The following SLC23A2 variants were observed in gnomAD, a reference collection of about 807,000 sequenced individuals.
SLC23A2 encodes Na(+)/L-ascorbic acid transporter 2.
Under a neutral mutation model 73.3 loss-of-function variants are expected in SLC23A2, and 36 were observed. The observed-to-expected ratio is 0.49, with a 90% CI of 0.38 to 0.65. The LOEUF (loss-of-function observed/expected upper bound fraction) is 0.65. SLC23A2 is among the 30% of genes least tolerant of loss of function. SLC23A2 has a pLI of 0.00. For missense variants in SLC23A2, 507 were observed against 841.6 expected, an observed-to-expected ratio of 0.60 and a Z score of 4.92; for synonymous variants, 343 against 327.3, an observed-to-expected ratio of 1.05 and a Z score of -0.52.
At chr20:5,006,600 C>G (rs1038225902) in intron 1 of SLC23A2, among the ~76,000 whole-genome samples, 1 of 148,900 alleles carries the variant, frequency 6.7e-6, no homozygotes, top group Non-Finnish European at 1.5e-5. Context: ...GAGTCTTGCT[C>G]TGTTGGCCAG....
chr20:4,938,014 C>T (rs1370806699), intron 2 of SLC23A2, among the ~76,000 whole-genome samples: 1 of 151,312 alleles, frequency 6.6e-6, no homozygotes, highest in Non-Finnish European at 1.5e-5. Flanking sequence ...CCACTTAACT[C>T]GTGTTCTCAT....
chr20:4,964,264 G>T (rs2087438792), intron 2 of SLC23A2, among the ~76,000 whole-genome samples: 1 of 151,942 alleles, frequency 6.6e-6, no homozygotes, highest in Admixed American at 6.6e-5. Context: ...CAAAGTGCTG[G>T]GATTATAGGC....
At chr20:4,925,166 G>C (rs978802977) in intron 3 of SLC23A2, among the ~76,000 whole-genome samples, 14 of 147,856 alleles carry the variant, frequency 9.5e-5, no homozygotes, top group Non-Finnish European at 1.9e-4. Flanking sequence ...CTGAATGATA[G>C]AGCAAGACTC....
chr20:4,986,689 C>CACACACACACACAGAGAG (rs71197739), intron 1 of SLC23A2, among the ~76,000 whole-genome samples: 1 of 129,888 alleles, frequency 7.7e-6, no homozygotes, highest in African/African-American at 2.8e-5. Context: ...CACACACACA[C>CACACACACACACAGAGAG]AGAGATGAAT....
chr20:4,993,423 GA>G (rs1194589516), intron 1 of SLC23A2, among the ~76,000 whole-genome samples: 1 of 94,898 alleles, frequency 1.1e-5, no homozygotes, highest in African/African-American at 3.6e-5. Context: ...AAAAAAAAAA[GA>G]AAAAAAGAAA....
At chr20:4,924,100 G>A (rs2122923029) in intron 3 of SLC23A2, among the ~76,000 whole-genome samples, 1 of 152,176 alleles carries the variant, frequency 6.6e-6, no homozygotes, top group South Asian at 2.1e-4. Context: ...ACAGCTCTGA[G>A]CCGCATCGCC....
At chr20:4,900,448 A>G (rs1474642916) in intron 5 of SLC23A2, among the ~76,000 whole-genome samples, 2 of 152,194 alleles carry the variant, frequency 1.3e-5, no homozygotes, top group Non-Finnish European at 2.9e-5. Flanking sequence ...CTAGTTAGTC[A>G]TACTGTATTT....
chr20:4,977,931 T>C (rs1346205217), intron 1 of SLC23A2, among the ~76,000 whole-genome samples: 7 of 152,010 alleles, frequency 4.6e-5, no homozygotes, highest in Admixed American at 3.3e-4. Flanking sequence ...GTTGTACTTA[T>C]CATGAAAAAA....
rs571639458 is a variant in SLC23A2, at chr20:4,934,910, G to A, written c.-154-2194C>T. On this transcript the variant is annotated intron_variant, in intron 2 of 16. Coordinates refer to ENST00000338244, the MANE Select transcript of SLC23A2 (RefSeq NM_005116.6). ...TTCTTGTCAGAAAAAAACCAAGGCT[G>A]GGCACAGTGGCTCATGCCTGTAATC... 4.6e-5 allele frequency among the ~76,000 whole-genome samples: 7 copies of A among 151,122 alleles called. No homozygotes were observed. The South Asian group carries it at 1.3e-3, about 27-fold the overall frequency.
chr20:4,986,960 G>A (rs1233395339), intron 1 of SLC23A2, among the ~76,000 whole-genome samples: 1 of 151,840 alleles, frequency 6.6e-6, no homozygotes, highest in Non-Finnish European at 1.5e-5. Context: ...AGGGTTCAGA[G>A]GAGCTTCCTA....
intron 2 of SLC23A2, among the ~76,000 whole-genome samples, chr20:4,960,379 C>T (rs2087362145): frequency 6.6e-6 from 1 of 152,210 alleles, no homozygotes; most frequent in African/African-American, 2.4e-5. Flanking sequence ...TGTGTATGCA[C>T]TATGATCCAG....
At chr20:4,971,912 T>A (rs2087566984) in intron 1 of SLC23A2, among the ~76,000 whole-genome samples, 1 of 152,220 alleles carries the variant, frequency 6.6e-6, no homozygotes, top group Non-Finnish European at 1.5e-5. Flanking sequence ...CACTTTCTGT[T>A]AAAGCCTCTT....
At chr20:4,946,835 T>C (rs768357404) in intron 2 of SLC23A2, among the ~76,000 whole-genome samples, 3 of 152,212 alleles carry the variant, frequency 2.0e-5, no homozygotes, top group Non-Finnish European at 4.4e-5. Context: ...GAGTGGTGTA[T>C]GCTTTGTTTG....
chr20:4,930,770 G>T (rs191216154), intron 3 of SLC23A2, among the ~76,000 whole-genome samples: 68 of 152,170 alleles, frequency 4.5e-4, no homozygotes, highest in African/African-American at 1.6e-3. Flanking sequence ...AGTGAGCCAA[G>T]ATGGTGCCAC....
chr20:4,968,191 A>G (rs1600184399), intron 2 of SLC23A2, among the ~76,000 whole-genome samples: 1 of 152,214 alleles, frequency 6.6e-6, no homozygotes, highest in East Asian at 1.9e-4. Context: ...CTGGAACTCC[A>G]GGCTGGAAGT....
intron 1 of SLC23A2, among the ~76,000 whole-genome samples, chr20:4,985,093 C>T (rs1229171975): frequency 1.4e-5 from 2 of 146,718 alleles, no homozygotes; most frequent in East Asian, 2.0e-4. Flanking sequence ...GCTGAGATGG[C>T]GCCACTGCAC....
chr20:4,939,437 A>G (rs560639593), intron 2 of SLC23A2, among the ~76,000 whole-genome samples: 1 of 152,362 alleles, frequency 6.6e-6, no homozygotes, highest in Non-Finnish European at 1.5e-5. Context: ...AGAAAAGTCC[A>G]AATTATAACT....
intron 1 of SLC23A2, among the ~76,000 whole-genome samples, chr20:5,007,913 C>CTT (rs748144764): frequency 1.4e-5 from 2 of 145,512 alleles, no homozygotes; most frequent in African/African-American, 2.5e-5. Context: ...ATAAAATTAA[C>CTT]TTTTTTTTTT....
At chr20:4,917,825 C>T (rs143066177) in intron 3 of SLC23A2, among the ~76,000 whole-genome samples, 228 of 152,288 alleles carry the variant, frequency 1.5e-3, no homozygotes, top group African/African-American at 5.2e-3. Flanking sequence ...TCTTGTCTGA[C>T]TGGCTCGTCT....
Sources: allele counts gnomAD v4.1 joint callset (sites outside exome capture counted in the v4.1 genomes callset), GRCh38; gene constraint gnomAD v4.1.1; transcripts MANE v1.5; gene names NCBI Gene and HGNC (gene_info 2026-07-23, HGNC 2026-07-21).